EPHA3: variants seen among roughly 807,000 people sequenced by gnomAD.
EPHA3 encodes EPH receptor A3.
A neutral mutation model predicts 107.1 loss-of-function variants in EPHA3; 42 were observed. That is an observed-to-expected ratio of 0.39 (90% CI 0.31 to 0.51). The LOEUF (loss-of-function observed/expected upper bound fraction) is 0.51, where lower values mean the gene tolerates loss of function less well. EPHA3 is among the 20% of genes least tolerant of loss of function. The pLI, the probability that EPHA3 is intolerant of heterozygous loss-of-function variation, is 0.78. For synonymous variants in EPHA3, 461 were observed against 424.8 expected, an observed-to-expected ratio of 1.09 and a Z score of -1.05; for missense variants, 1,183 against 1,211.2, an observed-to-expected ratio of 0.98 and a Z score of 0.35.
intron 5 of EPHA3, among the ~76,000 whole-genome samples, chr3:89,353,126 A>G (rs189992322): frequency 2.2e-4 from 34 of 151,270 alleles, no homozygotes; most frequent in Admixed American, 2.0e-3. Context: ...GAAGAAGCAA[A>G]CATTTTAAAA....
At chr3:89,203,780 A>AAAAT (rs1423984775) in intron 2 of EPHA3, among the ~76,000 whole-genome samples, 3 of 152,028 alleles carry the variant, frequency 2.0e-5, no homozygotes, top group African/African-American at 7.2e-5. Context: ...CTGTCTCAAA[A>AAAAT]AAATAAATAA....
chr3:89,283,938 A>G (rs1174797586), intron 3 of EPHA3, among the ~76,000 whole-genome samples: 4 of 152,162 alleles, frequency 2.6e-5, no homozygotes, highest in Non-Finnish European at 5.9e-5. Flanking sequence ...GTTTTTAGTT[A>G]TGTATTTTAG....
intron 15 of EPHA3, among the ~76,000 whole-genome samples, chr3:89,456,562 G>A (rs749795712): frequency 6.6e-6 from 1 of 152,104 alleles, no homozygotes; most frequent in African/African-American, 2.4e-5. Context: ...GCCTTCATTA[G>A]AGTTGATGAT....
intron 2 of EPHA3, among the ~76,000 whole-genome samples, chr3:89,136,741 C>A (rs1704324279): frequency 6.6e-6 from 1 of 151,768 alleles, no homozygotes; most frequent in Admixed American, 6.6e-5. Flanking sequence ...ATAATCCTTA[C>A]CTAACATATA....
chr3:89,321,014 TTC>T (rs1335080983), intron 3 of EPHA3, among the ~76,000 whole-genome samples: 1 of 151,912 alleles, frequency 6.6e-6, no homozygotes, highest in East Asian at 1.9e-4. Context: ...GCCTTTTTTT[TTC>T]TCTCTCTCTA....
chr3:89,314,693 A>G (rs1166457051), intron 3 of EPHA3, among the ~76,000 whole-genome samples: 8 of 151,980 alleles, frequency 5.3e-5, no homozygotes, highest in Admixed American at 6.6e-5. Flanking sequence ...AGTGATTTCA[A>G]ATGGACCATA....
At chr3:89,335,197 G>C (rs1238412432) in intron 3 of EPHA3, among the ~76,000 whole-genome samples, 1 of 152,076 alleles carries the variant, frequency 6.6e-6, no homozygotes, top group African/African-American at 2.4e-5. Flanking sequence ...TGTTCTGAAG[G>C]CTGGGAAGTC....
intron 15 of EPHA3, among the ~76,000 whole-genome samples, chr3:89,457,469 T>G (rs1432593230): frequency 6.6e-6 from 1 of 151,574 alleles, no homozygotes; most frequent in Non-Finnish European, 1.5e-5. Flanking sequence ...ACACGAGGAG[T>G]CTAGGTTATG....
chr3:89,153,496 A>T lies in EPHA3; in HGVS notation c.153+26223A>T, dbSNP rs114945280. 8.9e-3 allele frequency among the ~76,000 whole-genome samples: 1,359 copies of T among 152,042 alleles called. 12 individuals carry two copies. The highest frequency in any genetic ancestry group is 0.026 in the East Asian group (135 of 5,154). On this transcript the variant is annotated intron_variant, in intron 2 of 16. Coordinates refer to ENST00000336596, the MANE Select transcript of EPHA3 (RefSeq NM_005233.6). ...CCTGCAGTCTTCCTCATCCATGGCC[A>T]CTTCTTCCTTCCAGGTATCAGGCCA...
At chr3:89,414,347 A>G (rs1264537283) in intron 10 of EPHA3, among the ~76,000 whole-genome samples, 1 of 151,736 alleles carries the variant, frequency 6.6e-6, no homozygotes, top group Non-Finnish European at 1.5e-5. Flanking sequence ...ATATTAAAAT[A>G]TGAAACTTGT....
chr3:89,118,610 G>C (rs1707309094), intron 1 of EPHA3, among the ~76,000 whole-genome samples: 1 of 151,646 alleles, frequency 6.6e-6, no homozygotes, highest in African/African-American at 2.4e-5. Flanking sequence ...TAATGACAAA[G>C]GCACAACTTT....
intron 5 of EPHA3, among the ~76,000 whole-genome samples, chr3:89,375,766 G>A (rs1186487244): frequency 2.0e-5 from 3 of 151,944 alleles, no homozygotes; most frequent in Non-Finnish European, 2.9e-5. Context: ...AAGGGATATT[G>A]TACAGACACA....
At chr3:89,365,364 G>A (rs1708167085) in intron 5 of EPHA3, among the ~76,000 whole-genome samples, 1 of 150,618 alleles carries the variant, frequency 6.6e-6, no homozygotes, top group Non-Finnish European at 1.5e-5. Flanking sequence ...ACAATCTTTT[G>A]GGGGGATTTT....
At chr3:89,478,903 T>C (rs1326926074) in intron 16 of EPHA3, among the ~76,000 whole-genome samples, 1 of 152,216 alleles carries the variant, frequency 6.6e-6, no homozygotes, top group African/African-American at 2.4e-5. Context: ...ATGTTGGCAG[T>C]ACCATAATTG....
At chr3:89,470,116 GA>G (rs137974289) in intron 15 of EPHA3, among the ~76,000 whole-genome samples, 28,832 of 151,404 alleles carry the variant, frequency 0.19, 3,333 homozygotes, top group Non-Finnish European at 0.25. Flanking sequence ...TTACAATAAT[GA>G]AAAAAATCAC....
intron 10 of EPHA3, among the ~76,000 whole-genome samples, chr3:89,413,519 AGCTGT>A (rs1709194010): frequency 6.6e-6 from 1 of 151,800 alleles, no homozygotes; most frequent in Non-Finnish European, 1.5e-5. Context: ...ATCTTCCCAT[AGCTGT>A]GCTGATCGTG....
intron 5 of EPHA3, among the ~76,000 whole-genome samples, chr3:89,344,095 T>C (rs1707590918): frequency 6.6e-6 from 1 of 152,194 alleles, no homozygotes; most frequent in African/African-American, 2.4e-5. Flanking sequence ...TTGTTTAAAA[T>C]TGTAGCATCA....
At chr3:89,121,235 C>CAAAA (rs936150308) in intron 1 of EPHA3, among the ~76,000 whole-genome samples, 7 of 141,386 alleles carry the variant, frequency 5.0e-5, no homozygotes, top group African/African-American at 1.6e-4. Context: ...GACTCCGTCT[C>CAAAA]AAAAAAATAA....
chr3:89,403,011 A>G (rs1708995787), intron 7 of EPHA3, among the ~76,000 whole-genome samples: 1 of 152,186 alleles, frequency 6.6e-6, no homozygotes, highest in African/African-American at 2.4e-5. Flanking sequence ...AGAATGTCTC[A>G]TTCATGACAT....
Sources: gnomAD v4.1 joint callset for allele counts (sites outside exome capture counted in the v4.1 genomes callset) on GRCh38, gnomAD v4.1.1 for gene constraint, MANE v1.5 for transcripts, NCBI Gene and HGNC (gene_info 2026-07-23, HGNC 2026-07-21) for gene names.